CLVS1: variants seen among roughly 807,000 people sequenced by gnomAD.
The protein encoded by CLVS1 is clavesin 1, also known as clavesin-1.
Under a neutral mutation model 33.1 loss-of-function variants are expected in CLVS1, and 10 were observed. That is an observed-to-expected ratio of 0.30 (90% CI 0.19 to 0.51). CLVS1 has a LOEUF of 0.51. Among genes scored for constraint, CLVS1 ranks in the 20% least tolerant of loss-of-function variants. CLVS1 has a pLI of 0.97. For synonymous variants in CLVS1, 163 were observed against 166.1 expected (o/e 0.98, Z 0.14); for missense variants, 343 against 433.4 (o/e 0.79, Z 1.85).
At chr8:61,066,002 T>C (rs1804671446) in intron 1 of CLVS1, among the ~76,000 whole-genome samples, 1 of 152,226 alleles carries the variant, frequency 6.6e-6, no homozygotes, top group East Asian at 1.9e-4. Flanking sequence ...ACATACAGCA[T>C]GATCACATTT....
intron 1 of CLVS1, among the ~76,000 whole-genome samples, chr8:61,068,228 T>TATATATATATATATATAC (rs1563390794): frequency 3.4e-4 from 18 of 52,640 alleles, no homozygotes; most frequent in African/African-American, 3.1e-3. Context: ...TGTATGTATG[T>TATATATATATATATATAC]GTATATATAT....
chr8:61,111,946 T>C (rs908175955), intron 1 of CLVS1, among the ~76,000 whole-genome samples: 5 of 152,216 alleles, frequency 3.3e-5, no homozygotes, highest in East Asian at 1.9e-4. Context: ...AATAATCTTC[T>C]TTTAGTAAAC....
rs943258887 is a variant in CLVS1, at chr8:61,500,535, G to GAGA, written c.*997_*999dup. Reference sequence around the variant, plus strand: ...GCTAAATATGCAAGTACTGAAGTAAGAGAAGACTAGAAATGCAGGATGAAA... The same window carrying GAGA: ...GCTAAATATGCAAGTACTGAAGTAAGAGAAGAAGACTAGAAATGCAGGATGAAA... On this transcript the variant is annotated 3_prime_UTR_variant, in exon 6 of 6. Coordinates refer to ENST00000325897, the MANE Select transcript of CLVS1 (RefSeq NM_173519.3). 1.3e-4 allele frequency: 20 copies of GAGA among 152,190 alleles called. No individual in the cohort carries two copies. Among genetic ancestry groups the GAGA allele is most frequent in the African/African-American group, 4.8e-4 (20 of 41,450 alleles). The allele number at this position is 152,190 out of a possible 1,614,324, so 9.4% of individuals were successfully genotyped here.
intron 2 of CLVS1, among the ~76,000 whole-genome samples, chr8:61,230,862 G>C (rs1333702689): frequency 6.6e-6 from 1 of 152,134 alleles, no homozygotes; most frequent in Non-Finnish European, 1.5e-5. Context: ...GTGAGGGCCT[G>C]CTTACTGGTT....
rs376051020 is a variant in CLVS1 at position 61,500,169 on chromosome 8, T to TGTCA, written c.*629_*632dup. The TGTCA allele has an allele frequency of 6.6e-6, 1 of 151,996 alleles. No homozygotes were observed. The highest frequency in any genetic ancestry group is 1.5e-5 in the Non-Finnish European group (1 of 68,044). 9.4% of individuals were successfully genotyped at this position (151,996 alleles called of 1,614,324 possible). On this transcript the variant is annotated 3_prime_UTR_variant, in exon 6 of 6. Coordinates refer to ENST00000325897, the MANE Select transcript of CLVS1 (RefSeq NM_173519.3). ...AAAATTATTTTGATGTCACATCTCTTGTCAGGTCACTAGCTGACTGTCATG... is the reference window on the plus strand; with the variant it reads ...AAAATTATTTTGATGTCACATCTCTTGTCAGTCAGGTCACTAGCTGACTGTCATG...
chr8:61,433,452 T>C (rs1816190633), intron 3 of CLVS1, among the ~76,000 whole-genome samples: 1 of 152,226 alleles, frequency 6.6e-6, no homozygotes, highest in African/African-American at 2.4e-5. Context: ...TGTTGTTTGT[T>C]TGCCTGACTC....
chr8:61,480,014 A>C (rs1219237381), intron 5 of CLVS1, among the ~76,000 whole-genome samples: 1 of 152,202 alleles, frequency 6.6e-6, no homozygotes. Context: ...CCTCCCCGTT[A>C]GGCTACTCAG....
intron 4 of CLVS1, among the ~76,000 whole-genome samples, chr8:61,456,732 C>T (rs1263910673): frequency 4.0e-5 from 6 of 151,670 alleles, no homozygotes; most frequent in East Asian, 2.0e-4. Flanking sequence ...CTGGCTATCA[C>T]GGTGAAACCC....
At chr8:61,418,281 G>A (rs957675851) in intron 3 of CLVS1, among the ~76,000 whole-genome samples, 9 of 152,184 alleles carry the variant, frequency 5.9e-5, no homozygotes, top group South Asian at 2.1e-4. Flanking sequence ...CAGGAGGATC[G>A]CTTGAACCCA....
chr8:61,244,635 C>T (rs1808770353), intron 2 of CLVS1, among the ~76,000 whole-genome samples: 1 of 152,032 alleles, frequency 6.6e-6, no homozygotes, highest in Admixed American at 6.6e-5. Flanking sequence ...AAACTATGCA[C>T]TTTAATTAGT....
At chr8:61,404,814 A>C (rs763715242) in intron 3 of CLVS1, among the ~76,000 whole-genome samples, 2 of 152,186 alleles carry the variant, frequency 1.3e-5, no homozygotes, top group Non-Finnish European at 2.9e-5. Context: ...ATCCCTTCAG[A>C]GACCTGTCAG....
chr8:61,295,787 CTTAGTTTCCTCATTTGAA>C (rs1810177710), intron 1 of CLVS1, among the ~76,000 whole-genome samples: 1 of 152,024 alleles, frequency 6.6e-6, no homozygotes, highest in Non-Finnish European at 1.5e-5. Flanking sequence ...CTCTCTGTGC[CTTAGTTTCCTCATTTGAA>C]AAATGAGGAC....
chr8:61,366,406 C>T (rs1024273576), intron 2 of CLVS1, among the ~76,000 whole-genome samples: 21 of 152,228 alleles, frequency 1.4e-4, no homozygotes, highest in African/African-American at 4.6e-4. Context: ...TATGTGAATG[C>T]AGGCATGGCC....
upstream of CLVS1, among the ~76,000 whole-genome samples, chr8:61,056,077 G>A (rs1056797154): frequency 1.3e-5 from 2 of 152,198 alleles, no homozygotes; most frequent in Non-Finnish European, 2.9e-5. Context: ...ACACTGACCA[G>A]TGTAGGACTG....
intron 2 of CLVS1, among the ~76,000 whole-genome samples, chr8:61,237,056 G>A (rs114492117): frequency 1.6e-3 from 238 of 152,272 alleles, no homozygotes; most frequent in African/African-American, 4.3e-3. Context: ...TTTATGTGAC[G>A]TCCCAAAGAG....
chr8:61,166,422 C>T (rs1280910286), intron 2 of CLVS1, among the ~76,000 whole-genome samples: 1 of 152,176 alleles, frequency 6.6e-6, no homozygotes, highest in East Asian at 1.9e-4. Flanking sequence ...GTGTGAGCCA[C>T]CGTGCCCGAC....
intron 2 of CLVS1, among the ~76,000 whole-genome samples, chr8:61,189,204 G>T (rs1305178799): frequency 6.6e-6 from 1 of 152,202 alleles, no homozygotes; most frequent in African/African-American, 2.4e-5. Flanking sequence ...CCAGAAGAGA[G>T]TGGGGGCCAA....
At chr8:61,218,530 G>GA (rs1808139532) in intron 2 of CLVS1, among the ~76,000 whole-genome samples, 1 of 150,986 alleles carries the variant, frequency 6.6e-6, no homozygotes, top group Non-Finnish European at 1.5e-5. Flanking sequence ...GGAATAGGAA[G>GA]AAATTTGTTA....
At chr8:61,237,809 TG>T (rs1385912885) in intron 2 of CLVS1, among the ~76,000 whole-genome samples, 4 of 150,822 alleles carry the variant, frequency 2.7e-5, no homozygotes, top group African/African-American at 9.6e-5. Context: ...TGGGGCCTTT[TG>T]TTTTCTCCAA....
Sources: allele counts gnomAD v4.1 joint callset (sites outside exome capture counted in the v4.1 genomes callset), GRCh38; gene constraint gnomAD v4.1.1; transcripts MANE v1.5; gene names NCBI Gene and HGNC (gene_info 2026-07-23, HGNC 2026-07-21).